Variants in REDIC1 observed in about 807,000 individuals in gnomAD.
REDIC1 encodes HEI10 Interacting Protein 1.
At chr12:39,666,925 T>C in the REDIC1 span, among the ~76,000 whole-genome samples, 1 of 152,358 alleles carries the variant, frequency 6.6e-6, no homozygotes, top group Non-Finnish European at 1.5e-5. Context: ...CCCTTTATCA[T>C]TTTTTATTGC....
chr12:39,721,057 G>C, the REDIC1 span: 1 of 1,613,810 alleles, frequency 6.2e-7, no homozygotes, highest in Non-Finnish European at 8.5e-7. Context: ...CGTTCTGCAG[G>C]CTGCAAGGTG....
At chr12:39,821,851 A>C in the REDIC1 span, among the ~76,000 whole-genome samples, 1 of 152,206 alleles carries the variant, frequency 6.6e-6, no homozygotes, top group Non-Finnish European at 1.5e-5. Flanking sequence ...TTTGAACAAT[A>C]ATACAATCGA....
the REDIC1 span, chr12:39,757,356 AT>A: frequency 6.6e-6 from 1 of 151,904 alleles, no homozygotes; most frequent in Non-Finnish European, 1.5e-5. Flanking sequence ...CAAAATATAT[AT>A]TTGATGATAC....
At chr12:39,698,390 G>A in the REDIC1 span, among the ~76,000 whole-genome samples, 3 of 138,892 alleles carry the variant, frequency 2.2e-5, no homozygotes, top group Non-Finnish European at 3.1e-5. Flanking sequence ...CTCCCAATAC[G>A]ATAATAGTTG....
chr12:39,682,648 G>T, the REDIC1 span: 1 of 1,604,252 alleles, frequency 6.2e-7, no homozygotes, highest in Non-Finnish European at 8.5e-7. Context: ...AAGCCCTGCT[G>T]TAATTATGGA....
chr12:39,800,317 A>G, the REDIC1 span, among the ~76,000 whole-genome samples: 4 of 152,332 alleles, frequency 2.6e-5, no homozygotes, highest in African/African-American at 9.6e-5. Flanking sequence ...AGGTATTTCC[A>G]AGGGGGGATT....
At chr12:39,890,180 G>T in the REDIC1 span, among the ~76,000 whole-genome samples, 2 of 151,944 alleles carry the variant, frequency 1.3e-5, no homozygotes, top group Non-Finnish European at 2.9e-5. Flanking sequence ...ATGTAATGAA[G>T]AAATAAAAAG....
chr12:39,804,956 CT>C, the REDIC1 span, among the ~76,000 whole-genome samples: 1 of 127,186 alleles, frequency 7.9e-6, no homozygotes, highest in Admixed American at 8.1e-5. Context: ...TACCTGAAGA[CT>C]TTGGCACTTG....
the REDIC1 span, among the ~76,000 whole-genome samples, chr12:39,891,118 A>G: frequency 8.8e-6 from 1 of 113,442 alleles, no homozygotes; most frequent in African/African-American, 3.1e-5. Flanking sequence ...TTTCAAATAT[A>G]CCTTTTTTTT....
chr12:39,843,937 C>T, the REDIC1 span, among the ~76,000 whole-genome samples: 2 of 151,634 alleles, frequency 1.3e-5, no homozygotes, highest in Non-Finnish European at 2.9e-5. Context: ...ATGCTTTTTT[C>T]CCCCCAAAGC....
chr12:39,739,620 TAA>T, the REDIC1 span, among the ~76,000 whole-genome samples: 2 of 152,222 alleles, frequency 1.3e-5, no homozygotes, highest in African/African-American at 4.8e-5. Flanking sequence ...TCAAATATTA[TAA>T]GTCACTATAT....
chr12:39,827,701 T>G, the REDIC1 span, among the ~76,000 whole-genome samples: 2 of 152,178 alleles, frequency 1.3e-5, no homozygotes, highest in South Asian at 4.1e-4. Context: ...TTTTAAGTTT[T>G]CATTGAAATT....
At chr12:39,695,182 A>G in the REDIC1 span, among the ~76,000 whole-genome samples, 4 of 152,260 alleles carry the variant, frequency 2.6e-5, no homozygotes, top group Admixed American at 2.6e-4. Context: ...TCCAGCTGTG[A>G]TGGCTATAGG....
At chr12:39,880,700 A>G in the REDIC1 span, among the ~76,000 whole-genome samples, 512 of 152,346 alleles carry the variant, frequency 3.4e-3, 5 homozygotes, top group Non-Finnish European at 2.9e-3. Flanking sequence ...GGATTTCTAC[A>G]TATGCCAATG....
At chr12:39,785,762 G>C in the REDIC1 span, among the ~76,000 whole-genome samples, 1 of 152,200 alleles carries the variant, frequency 6.6e-6, no homozygotes, top group Non-Finnish European at 1.5e-5. Context: ...CCCACCTCTT[G>C]CATCAGCATG....
the REDIC1 span, among the ~76,000 whole-genome samples, chr12:39,692,978 T>C: frequency 6.6e-6 from 1 of 152,284 alleles, no homozygotes; most frequent in South Asian, 2.1e-4. Context: ...TTATTGGTAA[T>C]CTGATAGCTC....
the REDIC1 span, among the ~76,000 whole-genome samples, chr12:39,668,400 T>C: frequency 5.7e-3 from 871 of 152,338 alleles, 9 homozygotes; most frequent in African/African-American, 0.02. Context: ...TGGCCCCCAC[T>C]CTCTTCTGGC....
the REDIC1 span, chr12:39,830,503 C>A: frequency 9.0e-7 from 1 of 1,106,664 alleles, no homozygotes; most frequent in Non-Finnish European, 1.1e-6. Flanking sequence ...GAGTCCCCAT[C>A]AATCTGGAGC....
chr12:39,825,783 G>A, the REDIC1 span, among the ~76,000 whole-genome samples: 1 of 151,670 alleles, frequency 6.6e-6, no homozygotes, highest in Non-Finnish European at 1.5e-5. Flanking sequence ...TGATCCTTCC[G>A]AGTATTTCTT....
Sources: allele counts gnomAD v4.1 joint callset (sites outside exome capture counted in the v4.1 genomes callset), GRCh38; gene constraint gnomAD v4.1.1; transcripts MANE v1.5; gene names NCBI Gene and HGNC (gene_info 2026-07-23, HGNC 2026-07-21).